Variants in FANCB observed in about 807,000 individuals in gnomAD.
The protein encoded by FANCB is Fanconi anemia group B protein.
FANCB carries 5 observed loss-of-function variants against 38.9 expected under a neutral mutation model. That is an observed-to-expected ratio of 0.13 (90% CI 0.07 to 0.27). FANCB has a LOEUF of 0.27. Ranked by LOEUF, FANCB falls within the 10% of genes least tolerant of loss-of-function variation. FANCB has a pLI of 1.00. For synonymous variants in FANCB, 236 were observed against 215.4 expected (o/e 1.10, Z -0.84); for missense variants, 573 against 602.7 (o/e 0.95, Z 0.52).
the FANCB span, among the ~76,000 whole-genome samples, chrX:14,812,686 C>A: frequency 9.3e-6 from 1 of 107,793 alleles, no homozygotes; most frequent in African/African-American, 3.4e-5. Flanking sequence ...GCTTACCAAC[C>A]AAAAAGAGTC....
At chrX:14,772,885 C>T in the FANCB span, among the ~76,000 whole-genome samples, 1 of 111,554 alleles carries the variant, frequency 9.0e-6, no homozygotes, top group African/African-American at 3.3e-5. Context: ...GGCAGAGTCA[C>T]ACAATCACTC....
the FANCB span, among the ~76,000 whole-genome samples, chrX:14,694,410 G>T: frequency 8.9e-6 from 1 of 112,092 alleles, no homozygotes; most frequent in Middle Eastern, 4.7e-3. Context: ...GAGGGACAAA[G>T]AAGTAGAAAA....
chrX:14,740,067 T>C, the FANCB span, among the ~76,000 whole-genome samples: 3 of 111,516 alleles, frequency 2.7e-5, no homozygotes, highest in Non-Finnish European at 5.6e-5. Context: ...GTCTCATTAG[T>C]AGCTCCAGGT....
At chrX:14,806,662 A>C in the FANCB span, among the ~76,000 whole-genome samples, 2 of 112,005 alleles carry the variant, frequency 1.8e-5, no homozygotes, top group Non-Finnish European at 1.9e-5. Flanking sequence ...CAACAGAGGA[A>C]AAGGAGACTC....
chrX:14,785,154 A>T, the FANCB span, among the ~76,000 whole-genome samples: 2 of 112,050 alleles, frequency 1.8e-5, no homozygotes, highest in Admixed American at 1.9e-4. Flanking sequence ...CATCCTGCAT[A>T]TGTACCCCAG....
chrX:14,699,487 G>T, the FANCB span, among the ~76,000 whole-genome samples: 1 of 111,862 alleles, frequency 8.9e-6, no homozygotes, highest in Non-Finnish European at 1.9e-5. Context: ...TATTTATGGG[G>T]TACAATGTGA....
At chrX:14,822,528 T>G in the FANCB span, among the ~76,000 whole-genome samples, 3 of 108,485 alleles carry the variant, frequency 2.8e-5, no homozygotes, top group Non-Finnish European at 5.7e-5. Flanking sequence ...AACTAGTAAA[T>G]GGTGCATCCT....
chrX:14,862,544 AC>A (rs1220036741), intron 3 of FANCB, among the ~76,000 whole-genome samples: 4 of 111,932 alleles, frequency 3.6e-5, no homozygotes, highest in African/African-American at 1.3e-4. Flanking sequence ...CAAGAGAGTG[AC>A]GATTGCAATT....
the FANCB span, among the ~76,000 whole-genome samples, chrX:14,829,803 T>A: frequency 1.8e-5 from 2 of 112,461 alleles, no homozygotes; most frequent in Admixed American, 1.9e-4. Flanking sequence ...TCCAAATCAC[T>A]CAAGCATTCT....
At chrX:14,811,082 G>A in the FANCB span, among the ~76,000 whole-genome samples, 1 of 110,767 alleles carries the variant, frequency 9.0e-6, no homozygotes, top group Non-Finnish European at 1.9e-5. Context: ...CATAAGTGAA[G>A]GAGAAATAAA....
At chrX:14,690,772 C>T in the FANCB span, 2 of 1,201,837 alleles carry the variant, frequency 1.7e-6, no homozygotes, top group Non-Finnish European at 2.2e-6. Flanking sequence ...TGTTTGCTGC[C>T]TTACTGGAAT....
intron 2 of FANCB, among the ~76,000 whole-genome samples, 170 bp from the exon 3 acceptor site, chrX:14,865,750 A>G (rs1425243884): frequency 1.8e-5 from 2 of 112,233 alleles, no homozygotes; most frequent in Non-Finnish European, 3.8e-5. Context: ...TCTAAATATT[A>G]TTTCTGTAGA....
At chrX:14,780,954 T>A in the FANCB span, among the ~76,000 whole-genome samples, 19 of 110,079 alleles carry the variant, frequency 1.7e-4, no homozygotes, top group African/African-American at 6.1e-4. Context: ...AGGCAAGGGC[T>A]TGGGTACAGA....
the FANCB span, among the ~76,000 whole-genome samples, chrX:14,826,248 C>G: frequency 3.6e-5 from 4 of 111,809 alleles, no homozygotes; most frequent in African/African-American, 9.8e-5. Flanking sequence ...GTCATGACAG[C>G]ACCATACAGC....
chrX:14,771,421 A>G, the FANCB span, among the ~76,000 whole-genome samples: 3 of 110,956 alleles, frequency 2.7e-5, no homozygotes, highest in African/African-American at 9.8e-5. Context: ...TGCTTGGTCT[A>G]TTCTGCTATG....
chrX:14,855,816 C>A (rs1041595190), intron 5 of FANCB, among the ~76,000 whole-genome samples: 2 of 112,077 alleles, frequency 1.8e-5, no homozygotes, highest in African/African-American at 6.5e-5. Flanking sequence ...ATGCCTGGGG[C>A]ACCACCAATT....
the FANCB span, among the ~76,000 whole-genome samples, chrX:14,784,993 A>G: frequency 9.0e-6 from 1 of 111,716 alleles, no homozygotes; most frequent in Non-Finnish European, 1.9e-5. Context: ...GGAGGGGAAC[A>G]ACACACACTG....
At chrX:14,725,446 A>G in the FANCB span, among the ~76,000 whole-genome samples, 1 of 111,415 alleles carries the variant, frequency 9.0e-6, no homozygotes, top group Admixed American at 9.6e-5. Context: ...AGTGAGACTC[A>G]CTACAACCTT....
chrX:14,709,146 G>A, the FANCB span, among the ~76,000 whole-genome samples: 2 of 111,143 alleles, frequency 1.8e-5, no homozygotes, highest in East Asian at 5.7e-4. Flanking sequence ...GAGATGGGAG[G>A]ATCACGTAGG....
Sources: allele counts gnomAD v4.1 joint callset (sites outside exome capture counted in the v4.1 genomes callset), GRCh38; gene constraint gnomAD v4.1.1; transcripts MANE v1.5; gene names NCBI Gene and HGNC (gene_info 2026-07-23, HGNC 2026-07-21).